EYS: variants seen among roughly 807,000 people sequenced by gnomAD.
EYS encodes the protein EGF-like photoreceptor maintenance factor.
A neutral mutation model predicts 282.1 loss-of-function variants in EYS; 250 were observed. The observed-to-expected ratio is 0.89, with a 90% CI of 0.80 to 0.98. The LOEUF is 0.98. Among genes scored for constraint, EYS ranks in the 50% least tolerant of loss-of-function variants. EYS has a pLI of 0.00. For missense variants in EYS, 4,016 were observed against 3,709.0 expected (o/e 1.08, Z -2.15); for synonymous variants, 1,355 against 1,282.9 (o/e 1.06, Z -1.20).
intron 19 of EYS, among the ~76,000 whole-genome samples, chr6:64,845,525 ATCTC>A (rs142279105): frequency 3.4e-5 from 5 of 147,566 alleles, no homozygotes; most frequent in African/African-American, 5.0e-5. Flanking sequence ...ACAAAAAATA[ATCTC>A]TCTCTCTCTC....
chr6:63,814,973 T>A (rs578166482), intron 36 of EYS, among the ~76,000 whole-genome samples: 253 of 152,304 alleles, frequency 1.7e-3, no homozygotes, highest in Admixed American at 2.8e-3. Flanking sequence ...AACTGATGTG[T>A]TTTGAATAAT....
At chr6:65,321,619 A>G (rs904575693) in intron 11 of EYS, among the ~76,000 whole-genome samples, 4 of 152,210 alleles carry the variant, frequency 2.6e-5, no homozygotes, top group Non-Finnish European at 2.9e-5. Context: ...TTGTCCAGCC[A>G]TATTAAGGGG....
rs548217738 is a variant in EYS at position 64,932,572 on chromosome 6, A to C, written c.2381+13221T>G. 6.3e-4 allele frequency among the ~76,000 whole-genome samples: 96 copies of C among 152,070 alleles called. 3 individuals carry two copies. In the South Asian group the frequency reaches 0.019, roughly 30 times the overall value. ...AAAAAATCCTGGAAAACTAGAAAAC[A>C]TCACAGCATGCAAGTCTATAAACAG... On this transcript the variant is annotated intron_variant, in intron 15 of 42. Transcript: ENST00000503581.
chr6:65,550,150 T>TCCAGAC (rs1768559410), intron 2 of EYS, among the ~76,000 whole-genome samples: 17 of 8,460 alleles, frequency 2.0e-3, no homozygotes, highest in East Asian at 0.018. Flanking sequence ...TATCTTTTTT[T>TCCAGAC]TTTTTTTTTT....
chr6:64,691,613 G>A (rs1283218191), intron 22 of EYS, among the ~76,000 whole-genome samples: 2 of 152,040 alleles, frequency 1.3e-5, no homozygotes, highest in African/African-American at 4.8e-5. Context: ...CAGGTAGTGA[G>A]CATAGTACCC....
chr6:64,157,561 A>T (rs915602843), intron 31 of EYS, among the ~76,000 whole-genome samples: 2 of 152,282 alleles, frequency 1.3e-5, no homozygotes, highest in Middle Eastern at 3.4e-3. Flanking sequence ...TTCGTGGGCC[A>T]GGTCCAGAGT....
At chr6:65,579,607 A>AGGCCCCACGT (rs149695932) in intron 2 of EYS, among the ~76,000 whole-genome samples, 5 of 152,088 alleles carry the variant, frequency 3.3e-5, no homozygotes, top group African/African-American at 1.2e-4. Flanking sequence ...CTTCTCCATG[A>AGGCCCCACGT]GGCCCCACGT....
rs1420479614 is a variant in EYS at position 63,960,662 on chromosome 6, AGTC to A, written c.7055+23718_7055+23720del. Among the ~76,000 whole-genome samples, 69 of 152,370 alleles carry A rather than the reference AGTC, an allele frequency of 4.5e-4. 1 individual carries two copies. The highest frequency in any genetic ancestry group is 1.6e-3 in the African/African-American group (68 of 41,598). On this transcript the variant is annotated intron_variant, in intron 35 of 42. Transcript: ENST00000503581. The stretch of plus-strand genomic sequence containing the variant: ...ACCTTCAGTGACCACTACTCTGGTT[AGTC>A]AGCAGTGATCAATATCAAGGACAGA...
chr6:64,474,717 A>G (rs1776212126), intron 26 of EYS, among the ~76,000 whole-genome samples: 1 of 152,222 alleles, frequency 6.6e-6, no homozygotes, highest in African/African-American at 2.4e-5. Flanking sequence ...TAGCATGGTT[A>G]GTACTCAAGA....
intron 13 of EYS, among the ~76,000 whole-genome samples, chr6:65,024,759 A>C (rs552488311): frequency 1.3e-5 from 2 of 152,304 alleles, no homozygotes; most frequent in South Asian, 4.1e-4. Flanking sequence ...AAAAATCCCA[A>C]ATATTATGTT....
At chr6:64,616,101 T>C (rs1229959322) in intron 24 of EYS, among the ~76,000 whole-genome samples, 1 of 152,152 alleles carries the variant, frequency 6.6e-6, no homozygotes, top group Non-Finnish European at 1.5e-5. Context: ...TATGAAAACA[T>C]ATCATATGTA....
At chr6:64,055,298 G>A (rs993665214) in intron 33 of EYS, among the ~76,000 whole-genome samples, 5 of 152,060 alleles carry the variant, frequency 3.3e-5, no homozygotes, top group Admixed American at 2.0e-4. Flanking sequence ...AGAAGAAATA[G>A]GTGTATGTGT....
chr6:64,960,473 G>GT (rs561779065), intron 14 of EYS, among the ~76,000 whole-genome samples: 200 of 151,978 alleles, frequency 1.3e-3, no homozygotes, highest in Admixed American at 2.4e-3. Flanking sequence ...GTATAACTTT[G>GT]TTTTTTCCAA....
chr6:63,798,985 G>T (rs1261288003), intron 37 of EYS, among the ~76,000 whole-genome samples: 1 of 87,570 alleles, frequency 1.1e-5, no homozygotes, highest in Non-Finnish European at 2.1e-5. Context: ...ATGTATATGT[G>T]TGTATATATA....
Position 64,590,571 on chromosome 6 carries a change from G to A in EYS, c.5296C>T (p.His1766Tyr), listed in dbSNP as rs190942468. 7.4e-5 allele frequency: 115 copies of A among 1,551,292 alleles called. No homozygotes were observed. The highest frequency in any genetic ancestry group is 9.8e-5 in the Non-Finnish European group (112 of 1,146,704). Reference protein sequence around the residue: ...VTLKTYSEITHANDFKNNLPP... With the variant: ...VTLKTYSEITYANDFKNNLPP... ...AGATTATTTTTGAAGTCATTTGCAT[G>A]TGTAATTTCTGAATATGTCTTTAAA... The change falls in exon 26 of 43, where the codon CAT (histidine) becomes TAT (tyrosine). Residue 1766 changes from histidine to tyrosine, a missense_variant. Physicochemically the swap from His to Tyr is moderately conservative, Grantham distance 83 (BLOSUM62 2). Coordinates refer to ENST00000503581, the MANE Select transcript of EYS (RefSeq NM_001142800.2).
At chr6:63,811,263 A>T (rs1582230990) in intron 36 of EYS, among the ~76,000 whole-genome samples, 1 of 152,300 alleles carries the variant, frequency 6.6e-6, no homozygotes, top group East Asian at 1.9e-4. Context: ...ATTACCATTC[A>T]TGCTCGATTT....
chr6:65,627,745 G>A (rs548796847), intron 2 of EYS, among the ~76,000 whole-genome samples: 4 of 152,202 alleles, frequency 2.6e-5, no homozygotes, highest in African/African-American at 9.6e-5. Context: ...CCGATGCTGC[G>A]CTCGATTTCT....
chr6:64,856,531 T>C (rs1766066077), intron 19 of EYS, among the ~76,000 whole-genome samples: 1 of 152,146 alleles, frequency 6.6e-6, no homozygotes, highest in Non-Finnish European at 1.5e-5. Context: ...ACTCCTGGAC[T>C]CAAGCAATCC....
chr6:63,769,314 C>T (rs991511242), intron 40 of EYS, among the ~76,000 whole-genome samples: 4 of 151,606 alleles, frequency 2.6e-5, no homozygotes, highest in South Asian at 2.1e-4. Flanking sequence ...CATCTAGGGA[C>T]ATGGCTCATA....
Sources: allele counts gnomAD v4.1 joint callset (sites outside exome capture counted in the v4.1 genomes callset), GRCh38; gene constraint gnomAD v4.1.1; transcripts MANE v1.5; gene names NCBI Gene and HGNC (gene_info 2026-07-23, HGNC 2026-07-21).